Variants in WSCD2 observed in about 807,000 individuals in gnomAD.
WSCD2 encodes the protein WSC domain sialate O sulfotransferase 2.
Under a neutral mutation model 55.7 loss-of-function variants are expected in WSCD2, and 28 were observed. The ratio of observed to expected loss-of-function variants is 0.50; its 90% CI spans 0.37 to 0.69. WSCD2 has a LOEUF of 0.69. WSCD2 is among the 30% of genes least tolerant of loss of function. The probability of loss-of-function intolerance (pLI) is 0.00; values close to 1 mark genes in which losing one functional copy is unlikely to be tolerated. For missense variants in WSCD2, 616 were observed against 762.1 expected (o/e 0.81, Z 2.26); for synonymous variants, 301 against 301.9 (o/e 1.00, Z 0.03).
At chr12:108,204,425 T>C (rs746233548) in intron 2 of WSCD2, among the ~76,000 whole-genome samples, 1 of 152,102 alleles carries the variant, frequency 6.6e-6, no homozygotes, top group Admixed American at 6.5e-5. Context: ...TTGCCTATCC[T>C]ACAATGCATC....
At chr12:108,169,256 A>T (rs1879974387) in intron 1 of WSCD2, among the ~76,000 whole-genome samples, 1 of 152,210 alleles carries the variant, frequency 6.6e-6, no homozygotes, top group South Asian at 2.1e-4. Context: ...ATTTCATTAT[A>T]TGTAACAATG....
At chr12:108,213,060 T>G (rs568916518) in intron 4 of WSCD2, among the ~76,000 whole-genome samples, 72 of 152,280 alleles carry the variant, frequency 4.7e-4, no homozygotes, top group African/African-American at 1.7e-3. Context: ...GTTGGCAACA[T>G]GGTATACAAA....
intron 1 of WSCD2, among the ~76,000 whole-genome samples, chr12:108,174,463 G>A (rs950777257): frequency 2.0e-5 from 3 of 152,132 alleles, no homozygotes; most frequent in Non-Finnish European, 4.4e-5. Flanking sequence ...GAGGGAATAT[G>A]CACTTAGTAC....
chr12:108,247,837 G>A (rs1890194159), intron 8 of WSCD2, among the ~76,000 whole-genome samples, 154 bp from the exon 9 acceptor site: 1 of 152,222 alleles, frequency 6.6e-6, no homozygotes, highest in Non-Finnish European at 1.5e-5. Flanking sequence ...GATTATAGGT[G>A]TGAGCCACCT....
Position 108,248,903 on chromosome 12 carries a change from C to T in WSCD2, c.*560C>T, listed in dbSNP as rs1053431437. 26 of 988,740 alleles carry T rather than the reference C, an allele frequency of 2.6e-5. No individual in the cohort carries two copies. In the African/African-American group the frequency reaches 4.0e-4, roughly 15 times the overall value. The allele number at this position is 988,740 out of a possible 1,614,324, so 61.2% of individuals were successfully genotyped here. A position where few individuals can be genotyped will look rare whatever the true frequency, so the allele number is the denominator to read the frequency against. On this transcript the variant is annotated 3_prime_UTR_variant, in exon 9 of 9. Transcript: ENST00000547525. This position sits in a 1 kb window ranked among gnomAD's most constrained non-coding sequence, Gnocchi z 4.3. ...TTTCTCCGTGGCCTTAGGTTTCTGACATCCTGGATAGTGTGGGGAGGTAAT... is the reference window on the plus strand; with the variant it reads ...TTTCTCCGTGGCCTTAGGTTTCTGATATCCTGGATAGTGTGGGGAGGTAAT...
chr12:108,239,710 CTCT>C (rs1359675382), intron 7 of WSCD2, among the ~76,000 whole-genome samples: 3 of 152,028 alleles, frequency 2.0e-5, no homozygotes, highest in African/African-American at 2.4e-5. Flanking sequence ...CAAGCCTTTT[CTCT>C]TCTTTTCTTT....
intron 1 of WSCD2, chr12:108,189,761 C>T (rs1195830065): frequency 1.3e-5 from 2 of 152,166 alleles, no homozygotes; most frequent in Admixed American, 6.5e-5. Flanking sequence ...AGCGCTTTCA[C>T]TCCTAGGTAT....
In WSCD2 at chr12:108,248,927, A is replaced by G. The variant is rs1890274113; in HGVS notation, c.*584A>G. On this transcript the variant is annotated 3_prime_UTR_variant, in exon 9 of 9. Transcript: ENST00000547525. The surrounding 1 kb of genome is among the most constrained non-coding windows in gnomAD (Gnocchi z 4.3). ...ACATCCTGGATAGTGTGGGGAGGTA[A>G]TGGTGCTCACAGTAGGTTAATTGGA... is the stretch of plus-strand genomic sequence containing the variant. 20 of 986,984 alleles carry G rather than the reference A, an allele frequency of 2.0e-5. No individual in the cohort carries two copies. Among genetic ancestry groups the G allele is most frequent in the Non-Finnish European group, 2.3e-5 (19 of 830,664 alleles). 61.1% of individuals were successfully genotyped at this position (986,984 alleles called of 1,614,324 possible). A position where few individuals can be genotyped will look rare whatever the true frequency, so the allele number is the denominator to read the frequency against.
chr12:108,177,831 G>A (rs768179564), intron 1 of WSCD2, among the ~76,000 whole-genome samples: 7 of 152,108 alleles, frequency 4.6e-5, no homozygotes, highest in Non-Finnish European at 8.8e-5. Context: ...GATGGCCCCT[G>A]GGGAGGGTGA....
At chr12:108,169,418 T>C (rs1017603695) in intron 1 of WSCD2, among the ~76,000 whole-genome samples, 2 of 152,036 alleles carry the variant, frequency 1.3e-5, no homozygotes, top group Admixed American at 1.3e-4. Flanking sequence ...TCTAGGGTAT[T>C]CCCCTAGCTC....
chr12:108,168,774 A>G lies in WSCD2; in HGVS notation c.-551-26508A>G, dbSNP rs1426351. Among the ~76,000 whole-genome samples the G allele has an allele frequency of 7.9e-3, 1,201 of 152,306 alleles. 18 individuals are homozygous for G. Among genetic ancestry groups the G allele is most frequent in the African/African-American group, 0.028 (1,160 of 41,550 alleles). ...TGACATAAAACTTCTCCCTTACTGTATGAGATTCATGGAGCTGTGTTTTTA... is the reference window on the plus strand; with the variant it reads ...TGACATAAAACTTCTCCCTTACTGTGTGAGATTCATGGAGCTGTGTTTTTA... On this transcript the variant is annotated intron_variant, in intron 1 of 8. Coordinates refer to ENST00000547525, the MANE Select transcript of WSCD2 (RefSeq NM_014653.4).
At chr12:108,144,972 C>A (rs1288125276) in intron 1 of WSCD2, among the ~76,000 whole-genome samples, 4 of 152,144 alleles carry the variant, frequency 2.6e-5, no homozygotes, top group Non-Finnish European at 5.9e-5. Context: ...TGTGACAGGG[C>A]CTTGCATTTC....
chr12:108,187,965 T>C (rs1882715492), intron 1 of WSCD2, among the ~76,000 whole-genome samples: 2 of 152,274 alleles, frequency 1.3e-5, no homozygotes, highest in South Asian at 4.1e-4. Flanking sequence ...AGATTGCCCA[T>C]GGAGCAAGAG....
intron 1 of WSCD2, among the ~76,000 whole-genome samples, chr12:108,185,994 T>C (rs1433783322): frequency 6.6e-6 from 1 of 152,144 alleles, no homozygotes; most frequent in Non-Finnish European, 1.5e-5. Flanking sequence ...GGGTGGCCAG[T>C]GGACTGGGTG....
intron 3 of WSCD2, among the ~76,000 whole-genome samples, chr12:108,209,085 CA>C (rs1209380023): frequency 6.6e-6 from 1 of 152,162 alleles, no homozygotes; most frequent in African/African-American, 2.4e-5. Context: ...CTCCCAGAGC[CA>C]GAGCAAGCAA....
At chr12:108,211,650 T>TAC (rs1491056307) in intron 4 of WSCD2, among the ~76,000 whole-genome samples, 3 of 124,660 alleles carry the variant, frequency 2.4e-5, no homozygotes, top group African/African-American at 8.3e-5. Context: ...TATATATATA[T>TAC]ACATATATAT....
At chr12:108,230,258 T>A (rs996052387) in intron 6 of WSCD2, among the ~76,000 whole-genome samples, 2 of 152,214 alleles carry the variant, frequency 1.3e-5, no homozygotes, top group South Asian at 4.1e-4. Context: ...TGTATTCCAA[T>A]GAAAACCATT....
chr12:108,145,531 G>A (rs1877297397), intron 1 of WSCD2, among the ~76,000 whole-genome samples: 1 of 152,200 alleles, frequency 6.6e-6, no homozygotes, highest in Non-Finnish European at 1.5e-5. Flanking sequence ...GGACCCTCAT[G>A]CGCTGCTGGT....
At chr12:108,138,415 C>T (rs901014194) in intron 1 of WSCD2, among the ~76,000 whole-genome samples, 3 of 152,172 alleles carry the variant, frequency 2.0e-5, no homozygotes, top group African/African-American at 4.8e-5. Context: ...GGTTCACTTC[C>T]GATCCCAGCT....
Sources: allele counts gnomAD v4.1 joint callset (sites outside exome capture counted in the v4.1 genomes callset), GRCh38; gene constraint gnomAD v4.1.1; non-coding constraint Gnocchi (gnomAD v3.1); transcripts MANE v1.5; gene names NCBI Gene and HGNC (gene_info 2026-07-23, HGNC 2026-07-21).